The following CANX variants were observed in gnomAD, a reference collection of about 807,000 sequenced individuals.
CANX encodes the protein epididymis secretory sperm binding protein.
In CANX, 14 loss-of-function variants were observed where a neutral mutation model predicts 75.7. The ratio of observed to expected loss-of-function variants is 0.19; its 90% CI spans 0.12 to 0.29. The LOEUF (loss-of-function observed/expected upper bound fraction) is 0.29, where lower values mean the gene tolerates loss of function less well. Ranked by LOEUF, CANX falls within the 10% of genes least tolerant of loss-of-function variation. The pLI is 1.00. For synonymous variants in CANX, 227 were observed against 236.9 expected (o/e 0.96, Z 0.38); for missense variants, 567 against 713.2 (o/e 0.79, Z 2.34).
At chr5:179,706,171 T>C in intron 2 of CANX, 87 bp from the exon 3 acceptor site, 2 of 804,772 alleles carry the variant, frequency 2.5e-6, no homozygotes, top group Non-Finnish European at 4.0e-6. Flanking sequence ...TTGTGACAGT[T>C]GAAAGCAAAC....
Position 179,684,926 on chromosome 5 carries a change from A to ATTTTT in CANX, c.-4+6175_-4+6179dup, listed in dbSNP as rs71001039. On this transcript the variant is annotated intron_variant, in intron 1 of 14. Transcript: ENST00000681674. ...TGCCACCACACCTGGCTAATTTTGT[A>ATTTTT]TTTTTTTTTTTTTTTTTTTTTTTTT... 1.8e-3 allele frequency among the ~76,000 whole-genome samples: 88 copies of ATTTTT among 49,144 alleles called. 3 individuals carry two copies. Among genetic ancestry groups the ATTTTT allele is most frequent in the East Asian group, 5.1e-3 (6 of 1,180 alleles). 32.2% of individuals were successfully genotyped at this position (49,144 alleles called of 152,430 possible). A position where few individuals can be genotyped will look rare whatever the true frequency, so the allele number is the denominator to read the frequency against.
At chr5:179,717,353 C>A (rs1029206098) in intron 8 of CANX, among the ~76,000 whole-genome samples, 3 of 152,110 alleles carry the variant, frequency 2.0e-5, no homozygotes, top group Non-Finnish European at 2.9e-5. Context: ...GCCCCTGTAC[C>A]CATTAAGCGG....
intron 6 of CANX, among the ~76,000 whole-genome samples, chr5:179,709,397 G>A (rs557800461): frequency 1.3e-5 from 2 of 150,600 alleles, no homozygotes; most frequent in South Asian, 4.2e-4. Context: ...CTGGGCGACA[G>A]AGCGAGACTC....
upstream of CANX, chr5:179,698,882 C>T: frequency 1.8e-6 from 2 of 1,133,324 alleles, no homozygotes; most frequent in South Asian, 1.7e-5. Flanking sequence ...CGCGGGAGGG[C>T]GGGACTTGGC....
At chr5:179,701,095 T>A (rs1562459055) in intron 1 of CANX, 1 of 151,994 alleles carries the variant, frequency 6.6e-6, no homozygotes, top group African/African-American at 2.4e-5. Flanking sequence ...CTCAATCTCC[T>A]GACCTCGTGA....
chr5:179,688,417 G>T (rs947035782), intron 1 of CANX, among the ~76,000 whole-genome samples: 3 of 143,090 alleles, frequency 2.1e-5, no homozygotes, highest in African/African-American at 7.9e-5. Context: ...AGGCTGGAGC[G>T]CAGTGGCACA....
chr5:179,701,805 T>A (rs941159574), intron 1 of CANX, among the ~76,000 whole-genome samples: 30 of 135,576 alleles, frequency 2.2e-4, no homozygotes, highest in African/African-American at 8.1e-4. Context: ...AGTGGTGTGA[T>A]CTTGGCTCAC....
At chr5:179,700,573 G>GGGGTCAGT (rs1482332965) in intron 1 of CANX, 1 of 152,714 alleles carries the variant, frequency 6.5e-6, no homozygotes, top group Non-Finnish European at 1.5e-5. Flanking sequence ...ACTGTGTGTG[G>GGGGTCAGT]GGGTCAGTGT....
At chr5:179,687,250 G>A (rs1050318342) in intron 1 of CANX, among the ~76,000 whole-genome samples, 4 of 152,148 alleles carry the variant, frequency 2.6e-5, no homozygotes, top group African/African-American at 9.7e-5. Context: ...CTACAGGCAT[G>A]CGCCAACACG....
At position 179,722,989 on chromosome 5, in the gene CANX, C is replaced by T. The variant is rs112228035; in HGVS notation, c.1368C>T (p.Gly456=). The change falls in exon 11 of 15, where the codon GGC becomes GGT. Residue 456 remains glycine, a synonymous_variant. Transcript: ENST00000247461. ...ATGATTGGGCCAATGATGGATGGGG[C>T]CTGAAGAAAGCTGCTGATGGGGCTG... ...IVDDWANDGW[G]LKKAADGAAE... 2.4e-5 allele frequency: 38 copies of T among 1,614,060 alleles called. No homozygotes were observed. The African/African-American group carries it at 3.1e-4, about 13-fold the overall frequency.
At chr5:179,689,379 G>GTTTGTTT (rs1776254929) in intron 1 of CANX, among the ~76,000 whole-genome samples, 2 of 83,676 alleles carry the variant, frequency 2.4e-5, no homozygotes, top group Non-Finnish European at 4.4e-5. Flanking sequence ...AACCCAACAA[G>GTTTGTTT]TTTTTTTTTT....
chr5:179,721,691 G>A (rs1369794579), intron 10 of CANX, among the ~76,000 whole-genome samples: 3 of 152,100 alleles, frequency 2.0e-5, no homozygotes, highest in Non-Finnish European at 2.9e-5. Flanking sequence ...ATGCAAAAAT[G>A]TACACCCTCA....
chr5:179,722,387 T>C (rs1209593304), intron 10 of CANX, among the ~76,000 whole-genome samples: 1 of 152,212 alleles, frequency 6.6e-6, no homozygotes, highest in Admixed American at 6.5e-5. Flanking sequence ...CATGTCTGGG[T>C]GTATGTTGTG....
upstream of CANX, chr5:179,694,071 G>A (rs1246027135): frequency 1.2e-5 from 2 of 161,084 alleles, no homozygotes; most frequent in Non-Finnish European, 2.6e-5. Context: ...TGGAACCCGG[G>A]AGGCCGAGGT....
intron 14 of CANX, among the ~76,000 whole-genome samples, chr5:179,728,079 A>G (rs1778777426): frequency 6.6e-6 from 1 of 152,242 alleles, no homozygotes; most frequent in Admixed American, 6.5e-5. Flanking sequence ...AGTAGAGACC[A>G]TGTTTCCCCC....
chr5:179,702,874 A>T (rs6601067), intron 1 of CANX, among the ~76,000 whole-genome samples: 1 of 151,722 alleles, frequency 6.6e-6, no homozygotes, highest in African/African-American at 2.4e-5. Flanking sequence ...GGTTCAAGCT[A>T]TTCTCCTGCC....
chr5:179,709,566 T>TA (rs1307538868), intron 6 of CANX: 1 of 219,774 alleles, frequency 4.6e-6, no homozygotes, highest in Non-Finnish European at 8.9e-6. Context: ...CAACTGTTTT[T>TA]ATCTGAATTT....
At chr5:179,707,993 C>T (rs138329006) in intron 4 of CANX, among the ~76,000 whole-genome samples, 40 of 152,064 alleles carry the variant, frequency 2.6e-4, no homozygotes, top group African/African-American at 7.2e-4. Flanking sequence ...CCCATCACCA[C>T]GCCCGGCTAA....
chr5:179,685,546 CTTTTTTTT>C (rs1231654880), intron 1 of CANX, among the ~76,000 whole-genome samples: 2 of 61,446 alleles, frequency 3.3e-5, no homozygotes, highest in Non-Finnish European at 5.8e-5. Context: ...CCGCGCCCAG[CTTTTTTTT>C]TTTTTTTTTT....
Sources: allele counts gnomAD v4.1 joint callset (sites outside exome capture counted in the v4.1 genomes callset), GRCh38; gene constraint gnomAD v4.1.1; transcripts MANE v1.5; gene names NCBI Gene and HGNC (gene_info 2026-07-23, HGNC 2026-07-21).